The following SLC25A21 variants were observed in gnomAD, a reference collection of about 807,000 sequenced individuals.
SLC25A21 encodes mitochondrial 2-oxodicarboxylate carrier.
A neutral mutation model predicts 43.8 loss-of-function variants in SLC25A21; 47 were observed. The ratio of observed to expected loss-of-function variants is 1.07; its 90% CI spans 0.85 to 1.37. The LOEUF is 1.37. Ranked by LOEUF, SLC25A21 falls within the 40% of genes most tolerant of loss-of-function variation. SLC25A21 has a pLI of 0.00. For missense variants in SLC25A21, 352 were observed against 350.2 expected, an observed-to-expected ratio of 1.00 and a Z score of -0.04; for synonymous variants, 131 against 121.3, an observed-to-expected ratio of 1.08 and a Z score of -0.52.
intron 2 of SLC25A21, among the ~76,000 whole-genome samples, chr14:36,866,577 C>T (rs1207335217): frequency 6.6e-6 from 1 of 152,124 alleles, no homozygotes; most frequent in Non-Finnish European, 1.5e-5. Context: ...AGCAAAATTC[C>T]CCCCACCTAG....
intron 1 of SLC25A21, among the ~76,000 whole-genome samples, chr14:36,940,665 C>T (rs1043258891): frequency 6.6e-6 from 1 of 152,096 alleles, no homozygotes; most frequent in Non-Finnish European, 1.5e-5. Flanking sequence ...AGAATTTAAT[C>T]GTTCTGTGGT....
chr14:36,987,503 CACTT>C (rs1960171731), intron 1 of SLC25A21, among the ~76,000 whole-genome samples: 1 of 152,158 alleles, frequency 6.6e-6, no homozygotes. Context: ...GGGTGTCTAA[CACTT>C]ACATGGTTTA....
In SLC25A21 at chr14:36,817,493, G is replaced by A. The variant is rs919461455; in HGVS notation, c.120-3492C>T. The stretch of plus-strand genomic sequence containing the variant: ...CACAGCCGCCTACCCCGTTTCCTTT[G>A]GGAAAATGTTACAGTACTCTGCTTG... On this transcript the variant is annotated intron_variant, in intron 2 of 9. Transcript: ENST00000331299. Among the ~76,000 whole-genome samples, 11 of 152,136 alleles carry A rather than the reference G, an allele frequency of 7.2e-5. No homozygotes were observed. In the South Asian group the frequency reaches 2.3e-3, roughly 31 times the overall value.
intron 1 of SLC25A21, among the ~76,000 whole-genome samples, chr14:37,083,024 C>A (rs1962417999): frequency 1.3e-5 from 2 of 152,188 alleles, no homozygotes; most frequent in South Asian, 4.1e-4. Context: ...AAACGCTCAA[C>A]TGTAACTGTC....
chr14:37,166,251 A>G (rs1344403205), intron 1 of SLC25A21, among the ~76,000 whole-genome samples: 1 of 152,226 alleles, frequency 6.6e-6, no homozygotes, highest in Non-Finnish European at 1.5e-5. Context: ...GAAGTAAAAT[A>G]ACTAAATTTT....
intron 3 of SLC25A21, among the ~76,000 whole-genome samples, chr14:36,780,348 T>C (rs575310634): frequency 5.9e-5 from 9 of 152,012 alleles, no homozygotes; most frequent in Non-Finnish European, 1.2e-4. Context: ...GCTTTGATCA[T>C]TGTTATTTCA....
chr14:36,849,584 CAA>C lies in SLC25A21; in HGVS notation c.119+25370_119+25371del, dbSNP rs370510710. On this transcript the variant is annotated intron_variant, in intron 2 of 9. Transcript: ENST00000331299. ...TTTCATAGTTCGATTCAATGAAATACAAATTTCTGAATTGTCTATCAGACACA... is the reference window on the plus strand; with the variant it reads ...TTTCATAGTTCGATTCAATGAAATACATTTCTGAATTGTCTATCAGACACA... 4.1e-4 allele frequency among the ~76,000 whole-genome samples: 63 copies of C among 152,260 alleles called. No homozygotes were observed. The East Asian group carries it at 6.6e-3, about 16-fold the overall frequency.
At chr14:36,776,238 C>CTTTTTTTTTTTTTTTTT (rs35856297) in intron 3 of SLC25A21, among the ~76,000 whole-genome samples, 16 of 89,902 alleles carry the variant, frequency 1.8e-4, no homozygotes, top group East Asian at 3.7e-4. Context: ...TTCTTTCTTT[C>CTTTTTTTTTTTTTTTTT]TTTTTTTTTT....
At chr14:37,130,969 A>C (rs1963382777) in intron 1 of SLC25A21, among the ~76,000 whole-genome samples, 1 of 152,236 alleles carries the variant, frequency 6.6e-6, no homozygotes, top group Admixed American at 6.5e-5. Flanking sequence ...ACAAACAAAA[A>C]GCCAAAGTTA....
chr14:36,753,927 G>GAGAGAGAGAGAA (rs1885815481), intron 3 of SLC25A21, among the ~76,000 whole-genome samples: 1 of 110,750 alleles, frequency 9.0e-6, no homozygotes, highest in Non-Finnish European at 1.8e-5. Flanking sequence ...GACAGAGAGA[G>GAGAGAGAGAGAA]AGAGAGAGAG....
rs371654901 is a variant in SLC25A21 at position 36,948,180 on chromosome 14, C to T, written c.71-73176G>A. On this transcript the variant is annotated intron_variant, in intron 1 of 9. Transcript: ENST00000331299. ...CTGACAAATATAACTAGAATTACTG[C>T]CTTATTTATGACATACCTAGGTGTG... is the stretch of plus-strand genomic sequence containing the variant. Among the ~76,000 whole-genome samples, 8 of 152,206 alleles carry T rather than the reference C, an allele frequency of 5.3e-5. No individual in the cohort carries two copies. In the East Asian group the frequency reaches 1.2e-3, roughly 22 times the overall value.
intron 4 of SLC25A21, among the ~76,000 whole-genome samples, chr14:36,733,120 A>C (rs12881845): frequency 0.075 from 11,481 of 152,300 alleles, 689 homozygotes; most frequent in East Asian, 0.27. Context: ...CATAATATTA[A>C]GAAAAAAATA....
intron 1 of SLC25A21, among the ~76,000 whole-genome samples, chr14:36,877,634 G>A (rs891119208): frequency 6.6e-6 from 1 of 152,148 alleles, no homozygotes; most frequent in Admixed American, 6.5e-5. Flanking sequence ...ACCTCAGAGA[G>A]AGGCCCCTGA....
intron 1 of SLC25A21, among the ~76,000 whole-genome samples, chr14:36,969,402 A>T (rs965257738): frequency 5.9e-5 from 9 of 152,270 alleles, no homozygotes; most frequent in Non-Finnish European, 1.3e-4. Flanking sequence ...TACCTGACAC[A>T]TGAAGGCCTG....
chr14:36,968,222 A>C (rs1959663424), intron 1 of SLC25A21, among the ~76,000 whole-genome samples: 1 of 152,012 alleles, frequency 6.6e-6, no homozygotes, highest in South Asian at 2.1e-4. Context: ...CTCTAAAGTC[A>C]CTCCTGTTAT....
intron 3 of SLC25A21, among the ~76,000 whole-genome samples, chr14:36,753,960 A>AGAGAGAGAGAGAGAGAGAG (rs1491582315): frequency 5.7e-5 from 8 of 141,554 alleles, no homozygotes; most frequent in Admixed American, 1.4e-4. Context: ...AGAGAGAGAG[A>AGAGAGAGAGAGAGAGAGAG]AAGAGAGAGA....
intron 1 of SLC25A21, among the ~76,000 whole-genome samples, chr14:36,968,069 G>A (rs1318233430): frequency 1.3e-5 from 2 of 152,278 alleles, no homozygotes; most frequent in Non-Finnish European, 2.9e-5. Context: ...AAGAGCACAC[G>A]TAGTGGAGGT....
At chr14:37,170,931 T>TAA (rs34386931) in intron 1 of SLC25A21, among the ~76,000 whole-genome samples, 269 of 144,712 alleles carry the variant, frequency 1.9e-3, no homozygotes, top group Non-Finnish European at 2.6e-3. Flanking sequence ...CAAAAAAAAT[T>TAA]AAAAAAAAAA....
chr14:37,066,958 G>C (rs1400678464), intron 1 of SLC25A21, among the ~76,000 whole-genome samples: 1 of 152,032 alleles, frequency 6.6e-6, no homozygotes, highest in Admixed American at 6.6e-5. Context: ...CAACAATCTA[G>C]ACATAGATGA....
Sources: gnomAD v4.1 joint callset for allele counts (sites outside exome capture counted in the v4.1 genomes callset) on GRCh38, gnomAD v4.1.1 for gene constraint, MANE v1.5 for transcripts, NCBI Gene and HGNC (gene_info 2026-07-23, HGNC 2026-07-21) for gene names.